STK33: variants seen among roughly 807,000 people sequenced by gnomAD.
STK33 encodes the protein serine/threonine kinase 33, also known as serine/threonine-protein kinase 33.
Under a neutral mutation model 58.0 loss-of-function variants are expected in STK33, and 52 were observed. That is an observed-to-expected ratio of 0.90 (90% CI 0.72 to 1.13). The LOEUF is 1.13. Ranked by LOEUF, STK33 falls within the 50% of genes most tolerant of loss-of-function variation. The pLI is 0.00. For synonymous variants in STK33, 215 were observed against 200.1 expected, an observed-to-expected ratio of 1.07 and a Z score of -0.63; for missense variants, 630 against 604.2, an observed-to-expected ratio of 1.04 and a Z score of -0.45.
chr11:8,437,077 A>T (rs1386811602), intron 12 of STK33, among the ~76,000 whole-genome samples: 1 of 152,228 alleles, frequency 6.6e-6, no homozygotes, highest in Non-Finnish European at 1.5e-5. Context: ...AAAATTGTAT[A>T]TGAAATCAAA....
chr11:8,365,758 C>T, the STK33 span, among the ~76,000 whole-genome samples: 2 of 152,162 alleles, frequency 1.3e-5, no homozygotes, highest in African/African-American at 2.4e-5. Flanking sequence ...GGAAGGGAAC[C>T]CGAAGCCTCT....
intron 1 of STK33, among the ~76,000 whole-genome samples, chr11:8,557,634 A>G (rs1956856842): frequency 1.3e-5 from 2 of 152,124 alleles, no homozygotes; most frequent in African/African-American, 4.8e-5. Flanking sequence ...AAAGAAGGCA[A>G]TTATAGACTT....
At chr11:8,462,314 CA>C (rs2137308981) in intron 7 of STK33, among the ~76,000 whole-genome samples, 1 of 151,270 alleles carries the variant, frequency 6.6e-6, no homozygotes, top group African/African-American at 2.4e-5. Context: ...AATCTACTTC[CA>C]AGGACATAAA....
chr11:8,368,595 C>T, the STK33 span, among the ~76,000 whole-genome samples: 5 of 152,210 alleles, frequency 3.3e-5, no homozygotes, highest in South Asian at 2.1e-4. Context: ...CAGTCATTTC[C>T]GGGTGTTTAT....
intron 11 of STK33, among the ~76,000 whole-genome samples, chr11:8,450,023 T>A (rs998887013): frequency 5.9e-5 from 9 of 152,098 alleles, no homozygotes; most frequent in African/African-American, 2.2e-4. Flanking sequence ...GAACTAGAAA[T>A]ACCATTTGAC....
At chr11:8,570,461 C>T (rs1306618737) in intron 1 of STK33, among the ~76,000 whole-genome samples, 2 of 152,082 alleles carry the variant, frequency 1.3e-5, no homozygotes, top group African/African-American at 4.8e-5. Context: ...AAGCCTTATC[C>T]AAATATATAA....
At chr11:8,374,780 CAG>C in the STK33 span, among the ~76,000 whole-genome samples, 7 of 152,298 alleles carry the variant, frequency 4.6e-5, no homozygotes, top group East Asian at 3.9e-4. Flanking sequence ...ACACTGCAAA[CAG>C]AGTGTTTCAA....
At chr11:8,383,739 CCTT>C in the STK33 span, among the ~76,000 whole-genome samples, 13 of 152,326 alleles carry the variant, frequency 8.5e-5, no homozygotes, top group African/African-American at 3.1e-4. Context: ...CCATTCTCAT[CCTT>C]CTTCTTGCCA....
chr11:8,462,136 T>C (rs1302613133), intron 7 of STK33, among the ~76,000 whole-genome samples: 1 of 152,138 alleles, frequency 6.6e-6, no homozygotes, highest in Non-Finnish European at 1.5e-5. Flanking sequence ...AAGTTACATA[T>C]AATTTTGCCT....
the STK33 span, among the ~76,000 whole-genome samples, chr11:8,375,246 G>C: frequency 6.6e-6 from 1 of 152,176 alleles, no homozygotes; most frequent in African/African-American, 2.4e-5. Context: ...CCTACAACTT[G>C]CAGTGACATT....
At chr11:8,534,592 G>GTA (rs1270355206) in intron 1 of STK33, among the ~76,000 whole-genome samples, 1 of 145,862 alleles carries the variant, frequency 6.9e-6, no homozygotes, top group Non-Finnish European at 1.5e-5. Context: ...GTGTGTGTGT[G>GTA]TGTGTGTGTC....
At chr11:8,462,251 G>T (rs1047130748) in intron 7 of STK33, among the ~76,000 whole-genome samples, 5 of 151,576 alleles carry the variant, frequency 3.3e-5, no homozygotes, top group Admixed American at 6.6e-5. Flanking sequence ...TAGGCTTTTT[G>T]ATATTTCCTT....
chr11:8,576,536 A>G (rs936911666), intron 1 of STK33, among the ~76,000 whole-genome samples: 2 of 152,258 alleles, frequency 1.3e-5, no homozygotes, highest in Non-Finnish European at 2.9e-5. Context: ...ATCACTTCAA[A>G]TGCTTAATGT....
At chr11:8,341,380 G>A in the STK33 span, among the ~76,000 whole-genome samples, 3 of 152,238 alleles carry the variant, frequency 2.0e-5, no homozygotes, top group African/African-American at 2.4e-5. Flanking sequence ...AGCAGCTTCC[G>A]GACAACCTAA....
At chr11:8,450,099 A>G (rs946499236) in intron 11 of STK33, among the ~76,000 whole-genome samples, 2 of 152,204 alleles carry the variant, frequency 1.3e-5, no homozygotes, top group East Asian at 3.9e-4. Context: ...GTAAGGACAC[A>G]TGCACACTTA....
intron 11 of STK33, among the ~76,000 whole-genome samples, chr11:8,445,872 T>C (rs1945383907): frequency 6.6e-6 from 1 of 152,238 alleles, no homozygotes; most frequent in African/African-American, 2.4e-5. Flanking sequence ...CAGGTTTTGG[T>C]ATCAGGATGA....
At chr11:8,446,657 A>G (rs1336214364) in intron 11 of STK33, among the ~76,000 whole-genome samples, 1 of 152,182 alleles carries the variant, frequency 6.6e-6, no homozygotes, top group Non-Finnish European at 1.5e-5. Context: ...CCTCAGAAAT[A>G]ACACCACATA....
intron 1 of STK33, among the ~76,000 whole-genome samples, chr11:8,572,699 G>A (rs750001723): frequency 3.9e-5 from 6 of 151,932 alleles, no homozygotes; most frequent in African/African-American, 9.7e-5. Context: ...GATTACAGGC[G>A]TGAGTCACCA....
At chr11:8,531,998 C>A (rs569023475) in intron 1 of STK33, among the ~76,000 whole-genome samples, 4 of 152,294 alleles carry the variant, frequency 2.6e-5, no homozygotes, top group Non-Finnish European at 5.9e-5. Context: ...AAAATAAATG[C>A]ATCAGGCAGT....
Sources: allele counts gnomAD v4.1 joint callset (sites outside exome capture counted in the v4.1 genomes callset), GRCh38; gene constraint gnomAD v4.1.1; transcripts MANE v1.5; gene names NCBI Gene and HGNC (gene_info 2026-07-23, HGNC 2026-07-21).